Variants in PITPNM2 observed in about 807,000 individuals in gnomAD.
The protein encoded by PITPNM2 is membrane-associated phosphatidylinositol transfer protein 2.
In PITPNM2, 35 loss-of-function variants were observed where a neutral mutation model predicts 132.2. The ratio of observed to expected loss-of-function variants is 0.26; its 90% CI spans 0.20 to 0.35. The LOEUF is 0.35. Ranked by LOEUF, PITPNM2 falls within the 10% of genes least tolerant of loss-of-function variation. The pLI, the probability that PITPNM2 is intolerant of heterozygous loss-of-function variation, is 1.00. For synonymous variants in PITPNM2, 738 were observed against 799.2 expected (o/e 0.92, Z 1.29); for missense variants, 1,332 against 1,912.0 (o/e 0.70, Z 5.66).
At chr12:123,075,233 G>A (rs1190670364) in intron 2 of PITPNM2, among the ~76,000 whole-genome samples, 1 of 152,214 alleles carries the variant, frequency 6.6e-6, no homozygotes, top group African/African-American at 2.4e-5. Context: ...AAGAGAGACT[G>A]GGGGAGAGTT....
rs1468423241 is a variant in PITPNM2, at chr12:122,984,841, G to C, written c.*1186C>G. The C allele has an allele frequency of 6.6e-6, 1 of 152,312 alleles. No individual in the cohort carries two copies. Among genetic ancestry groups the C allele is most frequent in the African/African-American group, 2.4e-5 (1 of 41,468 alleles). 9.4% of individuals were successfully genotyped at this position (152,312 alleles called of 1,614,324 possible). ...CAGCCAAGGTCACGCTTGGTGCTGG[G>C]GAGAGAGGGCAGACGGTCAGACCCA... On this transcript the variant is annotated 3_prime_UTR_variant, in exon 26 of 26. Coordinates refer to ENST00000320201, the MANE Select transcript of PITPNM2 (RefSeq NM_020845.3).
intron 1 of PITPNM2, among the ~76,000 whole-genome samples, chr12:123,143,167 G>C (rs1469987019): frequency 7.1e-6 from 1 of 140,634 alleles, no homozygotes; most frequent in Non-Finnish European, 1.5e-5. Flanking sequence ...TGTCTAGAGA[G>C]ACAGCAGAGG....
chr12:123,096,175 G>A (rs2042405742), intron 2 of PITPNM2, among the ~76,000 whole-genome samples: 4 of 152,206 alleles, frequency 2.6e-5, no homozygotes, highest in Admixed American at 2.0e-4. Context: ...CCCCTCCTTT[G>A]AGGGACTAGC....
intron 1 of PITPNM2, among the ~76,000 whole-genome samples, chr12:123,143,144 C>T (rs577291485): frequency 6.8e-6 from 1 of 147,722 alleles, no homozygotes; most frequent in Non-Finnish European, 1.5e-5. Context: ...CTCGATCCCT[C>T]CCTCCAAGGG....
intron 1 of PITPNM2, among the ~76,000 whole-genome samples, chr12:123,138,769 G>A (rs1190303946): frequency 2.0e-5 from 3 of 152,164 alleles, no homozygotes; most frequent in African/African-American, 4.8e-5. Flanking sequence ...GCCAGTGAGT[G>A]CACACTGCTG....
At chr12:123,075,509 G>A (rs1032698259) in intron 2 of PITPNM2, 2 of 152,182 alleles carry the variant, frequency 1.3e-5, no homozygotes, top group Non-Finnish European at 2.9e-5. Flanking sequence ...TGAACCACAG[G>A]GCTTCCCACC....
intron 3 of PITPNM2, among the ~76,000 whole-genome samples, chr12:123,015,486 T>C (rs1302589658): frequency 6.6e-6 from 1 of 152,108 alleles, no homozygotes; most frequent in Non-Finnish European, 1.5e-5. Context: ...GACAATTGAA[T>C]AACAACATGT....
chr12:122,999,128 A>T (rs1057123796), intron 10 of PITPNM2, among the ~76,000 whole-genome samples: 1 of 150,474 alleles, frequency 6.6e-6, no homozygotes. Flanking sequence ...AAAAAAAAAA[A>T]GTGGGCACCA....
chr12:123,034,583 A>G lies in PITPNM2; in HGVS notation c.8T>C (p.Ile3Thr), dbSNP rs763466218. Residue 3 changes from isoleucine (I) to threonine (T), a missense_variant, in exon 3 of 26, where the codon ATA (isoleucine) becomes ACA (threonine). By Grantham distance (89) the Ile-to-Thr change is moderately conservative (BLOSUM62 -1). This residue lies in a region of PITPNM2 where 83 missense variants were observed against 118.7 expected (regional missense o/e 0.70). Coordinates refer to ENST00000320201, the MANE Select transcript of PITPNM2 (RefSeq NM_020845.3). ...TGGCAGAGGAATCCGATATTCCTTT[A>G]TAATCATCTTGGAGTCCAAGCCTTC... MI[I>T]KEYRIPLPMT... 1.7e-5 allele frequency: 28 copies of G among 1,614,020 alleles called. No homozygotes were observed. The highest frequency in any genetic ancestry group is 2.1e-5 in the Non-Finnish European group (25 of 1,179,976).
rs1727328 is a variant in PITPNM2 at position 123,122,261 on chromosome 12, G to A, written c.-199-11773C>T. Among the ~76,000 whole-genome samples, 86 of 152,160 alleles carry A rather than the reference G, an allele frequency of 5.7e-4. No homozygotes were observed. The East Asian group carries it at 0.011, about 19-fold the overall frequency. On this transcript the variant is annotated intron_variant, in intron 1 of 25. Transcript: ENST00000320201. ...GCAGATCGTCTGAGGTCGGGAGTTC[G>A]AGACCAGCCTGGCCAACATGGTGAA...
At chr12:123,019,911 C>A (rs1323322121) in intron 3 of PITPNM2, among the ~76,000 whole-genome samples, 1 of 151,940 alleles carries the variant, frequency 6.6e-6, no homozygotes, top group Non-Finnish European at 1.5e-5. Context: ...GGTGGGGAGG[C>A]ACTCACCAGG....
At chr12:123,096,810 G>A (rs539838152) in intron 2 of PITPNM2, among the ~76,000 whole-genome samples, 1 of 152,298 alleles carries the variant, frequency 6.6e-6, no homozygotes, top group East Asian at 1.9e-4. Flanking sequence ...GGTGGCTTGT[G>A]GAAGTCAGGA....
intron 19 of PITPNM2, among the ~76,000 whole-genome samples, 154 bp from the exon 20 acceptor site, chr12:122,988,504 C>A (rs892239653): frequency 5.9e-5 from 9 of 152,158 alleles, no homozygotes; most frequent in Admixed American, 5.9e-4. Flanking sequence ...AGCCCTCAGA[C>A]CCCTGTTCGT....
intron 1 of PITPNM2, among the ~76,000 whole-genome samples, chr12:123,122,078 C>T (rs2043044243): frequency 6.6e-6 from 1 of 152,200 alleles, no homozygotes; most frequent in African/African-American, 2.4e-5. Context: ...ACCTCCAGAA[C>T]TTCTTCATCT....
Position 122,994,966 on chromosome 12 carries a change from C to A in PITPNM2, c.2068G>T (p.Val690Leu). The change falls in exon 15 of 26, where the codon GTG becomes TTG. Residue 690 changes from valine (V) to leucine (L), a missense_variant. Coordinates refer to ENST00000320201, the MANE Select transcript of PITPNM2 (RefSeq NM_020845.3). This position sits in a 1 kb window ranked among gnomAD's most constrained non-coding sequence, Gnocchi z 5.4. ...CGTGAGCAGGGCTCAGTCCTCAGCA[C>A]GCTGGCATGGAGGCTGCAGACCCAA... ...QAFLSSLHASVLRTEPCSRHS... is the reference protein window; with the variant it reads ...QAFLSSLHASLLRTEPCSRHS... The A allele has an allele frequency of 6.2e-7, 1 of 1,607,368 alleles. No homozygotes were observed. The highest frequency in any genetic ancestry group is 1.1e-5 in the South Asian group (1 of 90,422).
chr12:123,134,301 G>A (rs528520738), intron 1 of PITPNM2, among the ~76,000 whole-genome samples: 4 of 152,280 alleles, frequency 2.6e-5, no homozygotes, highest in Admixed American at 6.5e-5. Context: ...CTGACCTTGC[G>A]ATCTGCCCAC....
At chr12:123,048,319 C>T (rs894795985) in intron 2 of PITPNM2, among the ~76,000 whole-genome samples, 10 of 151,816 alleles carry the variant, frequency 6.6e-5, no homozygotes, top group Non-Finnish European at 1.3e-4. Context: ...ACAGGAAGTC[C>T]CTAAAGTAGT....
chr12:123,000,916 G>A lies in PITPNM2; in HGVS notation c.1154-68C>T. 4.4e-6 allele frequency: 7 copies of A among 1,588,500 alleles called. No homozygotes were observed. The highest frequency in any genetic ancestry group is 6.0e-6 in the Non-Finnish European group (7 of 1,157,482). On this transcript the variant is annotated intron_variant, in intron 9 of 25. Coordinates refer to ENST00000320201, the MANE Select transcript of PITPNM2 (RefSeq NM_020845.3). The surrounding 1 kb of genome is among the most constrained non-coding windows in gnomAD (Gnocchi z 5.4). ...CAACCTGGCCGACCGGACAGAGGCTGCAACTGTGACGAGGGGAGCTTGGGG... is the reference window on the plus strand; with the variant it reads ...CAACCTGGCCGACCGGACAGAGGCTACAACTGTGACGAGGGGAGCTTGGGG...
At position 123,076,912 on chromosome 12, in the gene PITPNM2, T is replaced by C. The variant is rs535149126; in HGVS notation, c.-96+33473A>G. Among the ~76,000 whole-genome samples, 84 of 152,290 alleles carry C rather than the reference T, an allele frequency of 5.5e-4. No individual in the cohort carries two copies. The Middle Eastern group carries it at 0.01, about 18-fold the overall frequency. On this transcript the variant is annotated intron_variant, in intron 2 of 25. Coordinates refer to ENST00000320201, the MANE Select transcript of PITPNM2 (RefSeq NM_020845.3). ...TCTTGTTGACAACCAGGGGTTCTTT[T>C]TTCCATTGCCTGCTGCACAGGAAGC...
Sources: gnomAD v4.1 joint callset for allele counts (sites outside exome capture counted in the v4.1 genomes callset) on GRCh38, gnomAD v4.1.1 for gene constraint, gnomAD v4.1.1 regional missense constraint, Gnocchi (gnomAD v3.1) non-coding constraint, MANE v1.5 for transcripts, NCBI Gene and HGNC (gene_info 2026-07-23, HGNC 2026-07-21) for gene names.